LMTK3: variants seen among roughly 807,000 people sequenced by gnomAD.
LMTK3 encodes lemur tail kinase 3.
Under a neutral mutation model 116.7 loss-of-function variants are expected in LMTK3, and 27 were observed. The ratio of observed to expected loss-of-function variants is 0.23; its 90% CI spans 0.17 to 0.32. LMTK3 has a LOEUF of 0.32. Ranked by LOEUF, LMTK3 falls within the 10% of genes least tolerant of loss-of-function variation. The pLI is 1.00. For synonymous variants in LMTK3, 965 were observed against 971.0 expected (o/e 0.99, Z 0.11); for missense variants, 1,764 against 2,068.5 (o/e 0.85, Z 2.86).
rs981287259 is a variant in LMTK3, at chr19:48,494,427, T to A, written c.3677-318A>T. Reference sequence around the variant, plus strand: ...CTGGCCTGACCTCCATCTAGCCACATGGGCCACCCCACCATTCCTCCCACC... The same window carrying A: ...CTGGCCTGACCTCCATCTAGCCACAAGGGCCACCCCACCATTCCTCCCACC... On this transcript the variant is annotated intron_variant, in intron 11 of 14. Coordinates refer to ENST00000600059, the MANE Select transcript of LMTK3 (RefSeq NM_001388485.1). The surrounding 1 kb of genome is among the most constrained non-coding windows in gnomAD (Gnocchi z 4.0). Among the ~76,000 whole-genome samples the A allele has an allele frequency of 2.0e-5, 3 of 152,194 alleles. No individual in the cohort carries two copies. The highest frequency in any genetic ancestry group is 7.2e-5 in the African/African-American group (3 of 41,452).
At chr19:48,486,045 TC>T in intron 14 of LMTK3, among the ~76,000 whole-genome samples, 1 of 140,778 alleles carries the variant, frequency 7.1e-6, no homozygotes. Flanking sequence ...GGAACATTCT[TC>T]CTTTTTTTTT....
chr19:48,512,292 C>T (rs191939694), upstream of LMTK3, among the ~76,000 whole-genome samples: 4 of 152,218 alleles, frequency 2.6e-5, no homozygotes, highest in African/African-American at 9.6e-5. Flanking sequence ...ACTGGAAACG[C>T]ACAGGCAGGC....
chr19:48,486,774 T>C (rs111828176), intron 14 of LMTK3, among the ~76,000 whole-genome samples: 5,350 of 151,986 alleles, frequency 0.035, 165 homozygotes, highest in Middle Eastern at 0.14. Flanking sequence ...CCCAACCTCG[T>C]GATCCACCCA....
At chr19:48,503,932 A>G (rs1217739390) in intron 5 of LMTK3, among the ~76,000 whole-genome samples, 2 of 149,166 alleles carry the variant, frequency 1.3e-5, no homozygotes, top group Non-Finnish European at 3.0e-5. Context: ...CAATGGAGTG[A>G]TCTCAGCTCA....
In LMTK3 at chr19:48,498,815, C is replaced by CGG; in HGVS notation, c.2252_2253dup (p.Ala752ProfsTer107). On this transcript the variant is annotated frameshift_variant, in exon 11 of 15. Transcript: ENST00000600059. LOFTEE classifies it high-confidence loss of function. ...GGAGGTGGCGGCGGGGGGGGGGGAG[C>CGG]GGGAGGTGGCCCCCGCCCGGGGTAC... The CGG allele has an allele frequency of 2.1e-6, 1 of 477,452 alleles. No individual in the cohort carries two copies. Among genetic ancestry groups the CGG allele is most frequent in the Non-Finnish European group, 3.1e-6 (1 of 325,530 alleles). The allele number at this position is 477,452 out of a possible 1,614,324, so 29.6% of individuals were successfully genotyped here.
rs763002167 is a variant in LMTK3 at position 48,500,338 on chromosome 19, C to T, written c.1152-421G>A. ...ACCTGGGAGGCTGAGGCAGGAGAAC[C>T]GCTTGAACCCGGGAGGCGGAGGTTG... On this transcript the variant is annotated intron_variant, in intron 10 of 14. Transcript: ENST00000600059. The surrounding 1 kb of genome is among the most constrained non-coding windows in gnomAD (Gnocchi z 4.0). Among the ~76,000 whole-genome samples, 7 of 152,036 alleles carry T rather than the reference C, an allele frequency of 4.6e-5. No homozygotes were observed. The highest frequency in any genetic ancestry group is 4.1e-4 in the South Asian group (2 of 4,828).
In LMTK3 at chr19:48,497,588, GCCT is replaced by G. The variant is rs776168870; in HGVS notation, c.3478_3480del (p.Arg1160del). ...CTGGCTCTCGGGGGCGCTGGCTCCA[GCCT>G]CCTCGGCTGTGCCTCCGGTGGCGGT... is the stretch of plus-strand genomic sequence containing the variant. On this transcript the variant is annotated inframe_deletion, in exon 11 of 15. Coordinates refer to ENST00000600059, the MANE Select transcript of LMTK3 (RefSeq NM_001388485.1). The surrounding 1 kb of genome is among the most constrained non-coding windows in gnomAD (Gnocchi z 5.7). 8.4e-5 allele frequency: 112 copies of G among 1,325,468 alleles called. No homozygotes were observed. Among genetic ancestry groups the G allele is most frequent in the Non-Finnish European group, 1.0e-4 (104 of 1,037,720 alleles). 82.1% of individuals were successfully genotyped at this position (1,325,468 alleles called of 1,614,324 possible).
chr19:48,512,911 C>G (rs1454319074), upstream of LMTK3, among the ~76,000 whole-genome samples: 1 of 152,138 alleles, frequency 6.6e-6, no homozygotes, highest in Non-Finnish European at 1.5e-5. Flanking sequence ...GCACACAGAT[C>G]AAATACACAG....
intron 6 of LMTK3, 98 bp downstream of exon 6, chr19:48,502,810 TG>T: frequency 1.1e-6 from 1 of 876,674 alleles, no homozygotes; most frequent in Non-Finnish European, 1.8e-6. Context: ...TCATCTACGA[TG>T]ATGATGATGA....
At chr19:48,502,696 C>G in intron 6 of LMTK3, 115 bp from the exon 7 acceptor site, 1 of 1,266,576 alleles carries the variant, frequency 7.9e-7, no homozygotes, top group Non-Finnish European at 1.1e-6. Context: ...GCCTTAGTTT[C>G]CTCTGCTGCT....
chr19:48,492,844 C>A (rs1233010835), intron 12 of LMTK3, among the ~76,000 whole-genome samples: 1 of 152,154 alleles, frequency 6.6e-6, no homozygotes, highest in African/African-American at 2.4e-5. Flanking sequence ...TCCTCGCCCT[C>A]TAGACCACGC....
chr19:48,504,273 C>T (rs985098516), intron 5 of LMTK3, among the ~76,000 whole-genome samples: 3 of 152,188 alleles, frequency 2.0e-5, no homozygotes, highest in Non-Finnish European at 4.4e-5. Context: ...CTTTGCTGCC[C>T]CCCCAATGCC....
chr19:48,500,962 G>C lies in LMTK3; in HGVS notation c.1151+34C>G. ...CTGGGACCATCCTGGGTGGGGTGCGGCAGGCCAGGAGCCCCGGGTGGGCTA... is the reference window on the plus strand; with the variant it reads ...CTGGGACCATCCTGGGTGGGGTGCGCCAGGCCAGGAGCCCCGGGTGGGCTA... On this transcript the variant is annotated intron_variant, in intron 10 of 14. Coordinates refer to ENST00000600059, the MANE Select transcript of LMTK3 (RefSeq NM_001388485.1). This position sits in a 1 kb window ranked among gnomAD's most constrained non-coding sequence, Gnocchi z 4.0. 6.8e-7 allele frequency: 1 copy of C among 1,470,214 alleles called. No homozygotes were observed. Among genetic ancestry groups the C allele is most frequent in the Non-Finnish European group, 9.0e-7 (1 of 1,112,522 alleles). The allele number at this position is 1,470,214 out of a possible 1,614,324, so 91.1% of individuals were successfully genotyped here. A position where few individuals can be genotyped will look rare whatever the true frequency, so the allele number is the denominator to read the frequency against.
rs1309761356 is a variant in LMTK3, at chr19:48,499,165, G to C, written c.1904C>G (p.Ala635Gly). 2 of 1,505,266 alleles carry C rather than the reference G, an allele frequency of 1.3e-6. No homozygotes were observed. The highest frequency in any genetic ancestry group is 1.3e-5 in the South Asian group (1 of 78,566). The allele number at this position is 1,505,266 out of a possible 1,614,324, so 93.2% of individuals were successfully genotyped here. A position where few individuals can be genotyped will look rare whatever the true frequency, so the allele number is the denominator to read the frequency against. ...CTCCTCTTCTTCTTCCACCCACGGG[G>C]CGGTCCCCCGCTCCCCCAAGACCTC... ...PAEVLGERGT[A>G]PWVEEEEEEE... is the part of the protein sequence containing the mutation. Residue 635 changes from alanine to glycine, a missense_variant, in exon 11 of 15, where the codon GCC becomes GGC. Ala to Gly is a moderately conservative substitution (Grantham distance 60). This residue lies in a region of LMTK3 where 1,028 missense variants were observed against 1,050.6 expected (regional missense o/e 0.98). Transcript: ENST00000600059.
chr19:48,502,371 A>T, intron 7 of LMTK3, 62 bp downstream of exon 7: 7 of 1,302,160 alleles, frequency 5.4e-6, no homozygotes, highest in Non-Finnish European at 7.6e-6. Flanking sequence ...CCCTCCCCTG[A>T]GGCCTCACCT....
chr19:48,511,716 G>A lies in LMTK3; in HGVS notation c.-140C>T. 2.2e-6 allele frequency: 1 copy of A among 446,208 alleles called. No homozygotes were observed. Among genetic ancestry groups the A allele is most frequent in the Non-Finnish European group, 4.0e-6 (1 of 247,950 alleles). 27.6% of individuals were successfully genotyped at this position (446,208 alleles called of 1,614,324 possible). A position where few individuals can be genotyped will look rare whatever the true frequency, so the allele number is the denominator to read the frequency against. ...AGAGGGGCAGGAGACGCAGGACAGGGGGAGGGAGGGGCTGCTTGCTGGCTC... is the reference window on the plus strand; with the variant it reads ...AGAGGGGCAGGAGACGCAGGACAGGAGGAGGGAGGGGCTGCTTGCTGGCTC... On this transcript the variant is annotated 5_prime_UTR_variant, in exon 1 of 15. Coordinates refer to ENST00000600059, the MANE Select transcript of LMTK3 (RefSeq NM_001388485.1).
At position 48,499,567 on chromosome 19, in the gene LMTK3, GA is replaced by G. The variant is rs1972419716; in HGVS notation, c.1501del (p.Ser501ArgfsTer34). The G allele has an allele frequency of 1.3e-6, 2 of 1,524,608 alleles. No individual in the cohort carries two copies. The highest frequency in any genetic ancestry group is 1.4e-5 in the African/African-American group (1 of 71,578). 94.4% of individuals were successfully genotyped at this position (1,524,608 alleles called of 1,614,324 possible). On this transcript the variant is annotated frameshift_variant, in exon 11 of 15. Transcript: ENST00000600059. LOFTEE classifies it high-confidence loss of function. ...GTTGGCGTGGGGGGCCGGGGGGGCC[GA>G]CGCCGGCTGCCAGGCAGGTGCCCCC... Reference protein sequence around the residue: ...GGGAPAWQPASAPPAPHANPS... With the variant: ...GGGAPAWQPAXAPPAPHANPS...
chr19:48,506,745 A>G (rs1972577496), intron 5 of LMTK3, among the ~76,000 whole-genome samples: 1 of 151,974 alleles, frequency 6.6e-6, no homozygotes, highest in Non-Finnish European at 1.5e-5. Flanking sequence ...GCTCACTGCA[A>G]CCTCTGCCTC....
At chr19:48,501,594 G>T in intron 7 of LMTK3, 32 bp from the exon 8 acceptor site, 1 of 1,573,354 alleles carries the variant, frequency 6.4e-7, no homozygotes. Flanking sequence ...GTGAGCGCAG[G>T]GGCAGCCCTC....
Sources: gnomAD v4.1 joint callset for allele counts (sites outside exome capture counted in the v4.1 genomes callset) on GRCh38, gnomAD v4.1.1 for gene constraint, gnomAD v4.1.1 regional missense constraint, Gnocchi (gnomAD v3.1) non-coding constraint, MANE v1.5 for transcripts, NCBI Gene and HGNC (gene_info 2026-07-23, HGNC 2026-07-21) for gene names.